The following CARS2 variants were observed in gnomAD, a reference collection of about 807,000 sequenced individuals.
CARS2 encodes the protein probable cysteine--tRNA ligase, mitochondrial.
In CARS2, 52 loss-of-function variants were observed where a neutral mutation model predicts 68.8. The ratio of observed to expected loss-of-function variants is 0.76; its 90% CI spans 0.61 to 0.95. The LOEUF is 0.95. Ranked by LOEUF, CARS2 falls within the 40% of genes least tolerant of loss-of-function variation. The pLI is 0.00. For missense variants in CARS2, 780 were observed against 754.2 expected (o/e 1.03, Z -0.40); for synonymous variants, 314 against 303.6 (o/e 1.03, Z -0.36).
At chr13:110,700,110 C>G (rs981942586) in intron 3 of CARS2, among the ~76,000 whole-genome samples, 2 of 152,236 alleles carry the variant, frequency 1.3e-5, no homozygotes, top group Non-Finnish European at 2.9e-5. Flanking sequence ...AAGATGTGAT[C>G]ACCTTAACCT....
chr13:110,677,319 C>G (rs1408228621), intron 6 of CARS2, among the ~76,000 whole-genome samples: 1 of 70,382 alleles, frequency 1.4e-5, no homozygotes, highest in Non-Finnish European at 2.9e-5. Flanking sequence ...CATGGAAACT[C>G]AGACAGTCAC....
intron 6 of CARS2, among the ~76,000 whole-genome samples, chr13:110,682,065 G>C (rs2063172796): frequency 1.3e-5 from 2 of 152,004 alleles, no homozygotes; most frequent in Non-Finnish European, 2.9e-5. Context: ...TGCCAACTCT[G>C]GTCTCTGGGC....
chr13:110,684,762 T>C (rs577289295), intron 5 of CARS2, among the ~76,000 whole-genome samples: 1 of 152,048 alleles, frequency 6.6e-6, no homozygotes, highest in Non-Finnish European at 1.5e-5. Flanking sequence ...TTAAAAGCGC[T>C]TCACTGGAGA....
rs779433327 is a variant in CARS2, at chr13:110,676,926, A to G, written c.785+48T>C. 2.7e-6 allele frequency: 4 copies of G among 1,488,746 alleles called. No individual in the cohort carries two copies. In the Admixed American group the frequency reaches 8.6e-5, roughly 32 times the overall value. The allele number at this position is 1,488,746 out of a possible 1,614,324, so 92.2% of individuals were successfully genotyped here. Reference sequence around the variant, plus strand: ...ACATCCTCTGCTGCCCTGAGCAGGCACCAGGGGAACTTGAGCCCCAACCCC... The same window carrying G: ...ACATCCTCTGCTGCCCTGAGCAGGCGCCAGGGGAACTTGAGCCCCAACCCC... On this transcript the variant is annotated intron_variant, in intron 7 of 14. Coordinates refer to ENST00000257347, the MANE Select transcript of CARS2 (RefSeq NM_024537.4). This position sits in a 1 kb window ranked among gnomAD's most constrained non-coding sequence, Gnocchi z 4.0.
At chr13:110,644,320 G>C in intron 13 of CARS2, 65 bp downstream of exon 13, 1 of 1,489,012 alleles carries the variant, frequency 6.7e-7, no homozygotes, top group Non-Finnish European at 9.4e-7. Flanking sequence ...AGTTAAAAGG[G>C]TAAAGGTTAT....
intron 6 of CARS2, among the ~76,000 whole-genome samples, chr13:110,680,627 T>A (rs577157737): frequency 1.2e-3 from 5 of 4,010 alleles, no homozygotes; most frequent in Admixed American, 5.4e-3. Context: ...AACTACCAGT[T>A]TGCAAAAAAA....
chr13:110,711,336 C>T (rs966095149), upstream of CARS2, among the ~76,000 whole-genome samples: 6 of 152,200 alleles, frequency 3.9e-5, no homozygotes, highest in Non-Finnish European at 7.3e-5. Context: ...TCTCAGCCTC[C>T]CCAATAGCTG....
At chr13:110,667,568 A>T in intron 7 of CARS2, 95 bp from the exon 8 acceptor site, 1 of 1,075,976 alleles carries the variant, frequency 9.3e-7, no homozygotes, top group Non-Finnish European at 1.3e-6. Context: ...TTTTTAATTC[A>T]ATGAATAAAT....
intron 10 of CARS2, chr13:110,648,810 A>G (rs1172963771): frequency 6.6e-6 from 1 of 152,196 alleles, no homozygotes; most frequent in East Asian, 1.9e-4. Context: ...CTTCGTATTC[A>G]AAGCTCAAAA....
chr13:110,693,343 T>C (rs1207763199), intron 3 of CARS2, among the ~76,000 whole-genome samples: 1 of 151,900 alleles, frequency 6.6e-6, no homozygotes, highest in African/African-American at 2.4e-5. Flanking sequence ...CTACTGCTGC[T>C]GGTGCTGGGG....
rs2062626822 is a variant in CARS2 at position 110,665,591 on chromosome 13, A to G, written c.919+1749T>C. 1.0e-6 allele frequency: 1 copy of G among 985,444 alleles called. No homozygotes were observed. The highest frequency in any genetic ancestry group is 4.7e-5 in the South Asian group (1 of 21,278). 61.0% of individuals were successfully genotyped at this position (985,444 alleles called of 1,614,324 possible). A position where few individuals can be genotyped will look rare whatever the true frequency, so the allele number is the denominator to read the frequency against. On this transcript the variant is annotated intron_variant, in intron 8 of 14. Coordinates refer to ENST00000257347, the MANE Select transcript of CARS2 (RefSeq NM_024537.4). The surrounding 1 kb of genome is among the most constrained non-coding windows in gnomAD (Gnocchi z 4.3). ...TCTTGCCCCCCAGCTCCACACTCGC[A>G]GAAGGGCTCACAGCAGGTCATGGTT...
chr13:110,694,630 C>T (rs2063567732), intron 3 of CARS2, among the ~76,000 whole-genome samples: 1 of 152,132 alleles, frequency 6.6e-6, no homozygotes, highest in African/African-American at 2.4e-5. Context: ...AAGTGAGACC[C>T]TGTCTCAAAA....
At chr13:110,693,344 G>A (rs951873208) in intron 3 of CARS2, among the ~76,000 whole-genome samples, 1 of 151,918 alleles carries the variant, frequency 6.6e-6, no homozygotes, top group Non-Finnish European at 1.5e-5. Flanking sequence ...TACTGCTGCT[G>A]GTGCTGGGGA....
In CARS2 at chr13:110,668,957, G is replaced by C. The variant is rs1443917687; in HGVS notation, c.786-1484C>G. On this transcript the variant is annotated intron_variant, in intron 7 of 14. Coordinates refer to ENST00000257347, the MANE Select transcript of CARS2 (RefSeq NM_024537.4). This position sits in a 1 kb window ranked among gnomAD's most constrained non-coding sequence, Gnocchi z 4.1. ...GAGAAATTATTTGAATCTAAAAAATGAATCTACAACCCAGTTTATATGCCA... is the reference window on the plus strand; with the variant it reads ...GAGAAATTATTTGAATCTAAAAAATCAATCTACAACCCAGTTTATATGCCA... 3.9e-5 allele frequency among the ~76,000 whole-genome samples: 6 copies of C among 152,138 alleles called. No homozygotes were observed. The highest frequency in any genetic ancestry group is 9.7e-5 in the African/African-American group (4 of 41,444).
intron 14 of CARS2, 44 bp downstream of exon 14, chr13:110,642,271 C>T: frequency 6.7e-7 from 1 of 1,484,400 alleles, no homozygotes; most frequent in Non-Finnish European, 9.2e-7. Context: ...TGTTGACCTA[C>T]CCGGCTCCTG....
At chr13:110,669,774 G>C (rs1410759012) in intron 7 of CARS2, among the ~76,000 whole-genome samples, 1 of 152,166 alleles carries the variant, frequency 6.6e-6, no homozygotes, top group Non-Finnish European at 1.5e-5. Context: ...CGCCTCACCT[G>C]TGAAGTGTGA....
At chr13:110,689,376 G>A (rs1335106482) in intron 3 of CARS2, among the ~76,000 whole-genome samples, 2 of 152,298 alleles carry the variant, frequency 1.3e-5, no homozygotes, top group Non-Finnish European at 2.9e-5. Context: ...CTAGAATACT[G>A]AGAAACTTTC....
chr13:110,642,290 T>G (rs762666073), intron 14 of CARS2, 25 bp downstream of exon 14: 1 of 1,537,178 alleles, frequency 6.5e-7, no homozygotes, highest in Non-Finnish European at 8.8e-7. Context: ...TGGGGTGATG[T>G]CCCTGACCTT....
At chr13:110,663,043 C>T (rs1458039930) in intron 9 of CARS2, 6 of 461,544 alleles carry the variant, frequency 1.3e-5, no homozygotes, top group African/African-American at 9.9e-5. Flanking sequence ...ATCCAGCCAG[C>T]TCTGAGCCTA....
Sources: allele counts gnomAD v4.1 joint callset (sites outside exome capture counted in the v4.1 genomes callset), GRCh38; gene constraint gnomAD v4.1.1; non-coding constraint Gnocchi (gnomAD v3.1); transcripts MANE v1.5; gene names NCBI Gene and HGNC (gene_info 2026-07-23, HGNC 2026-07-21).